BICD2: variants seen among roughly 807,000 people sequenced by gnomAD.
BICD2 encodes protein bicaudal D homolog 2.
A neutral mutation model predicts 72.9 loss-of-function variants in BICD2; 25 were observed. That is an observed-to-expected ratio of 0.34 (90% CI 0.25 to 0.48). The LOEUF (loss-of-function observed/expected upper bound fraction) is 0.48. BICD2 is among the 20% of genes least tolerant of loss of function. The probability of loss-of-function intolerance (pLI) is 0.99; values close to 1 mark genes in which losing one functional copy is unlikely to be tolerated. For synonymous variants in BICD2, 501 were observed against 516.1 expected (o/e 0.97, Z 0.40); for missense variants, 894 against 1,175.2 (o/e 0.76, Z 3.50).
chr9:92,747,428 G>A (rs1854037130), intron 1 of BICD2, among the ~76,000 whole-genome samples: 1 of 152,142 alleles, frequency 6.6e-6, no homozygotes, highest in Non-Finnish European at 1.5e-5. Flanking sequence ...CCTGGGTGAG[G>A]TCCTGACCTG....
intron 1 of BICD2, among the ~76,000 whole-genome samples, chr9:92,743,485 G>T (rs187846661): frequency 6.6e-6 from 1 of 151,214 alleles, no homozygotes; most frequent in East Asian, 2.0e-4. Flanking sequence ...ACAAGATACC[G>T]TGTTCAGCCT....
intron 1 of BICD2, among the ~76,000 whole-genome samples, chr9:92,758,232 ATG>A (rs1362911699): frequency 6.7e-6 from 1 of 148,518 alleles, no homozygotes; most frequent in African/African-American, 2.5e-5. Context: ...TAATAATAAT[ATG>A]AATAAATAAA....
intron 1 of BICD2, among the ~76,000 whole-genome samples, chr9:92,730,022 A>T (rs1316659300): frequency 6.6e-6 from 1 of 152,212 alleles, no homozygotes; most frequent in Non-Finnish European, 1.5e-5. Flanking sequence ...CAGGCCAGCC[A>T]GCCTCCCATC....
At position 92,714,219 on chromosome 9, in the gene BICD2, A is replaced by G; in HGVS notation, c.*935T>C. ...GGATACACCTGTGGGTGTCCAACCC[A>G]GCCAAGCCCTTGGTGGCTCAGACTT... is the stretch of plus-strand genomic sequence containing the variant. On this transcript the variant is annotated 3_prime_UTR_variant, in exon 7 of 7. Transcript: ENST00000356884. The G allele has an allele frequency of 3.0e-6, 3 of 985,502 alleles. No homozygotes were observed. Among genetic ancestry groups the G allele is most frequent in the Non-Finnish European group, 3.6e-6 (3 of 829,974 alleles). The allele number at this position is 985,502 out of a possible 1,614,324, so 61.0% of individuals were successfully genotyped here.
chr9:92,755,800 G>C (rs1445356561), intron 1 of BICD2, among the ~76,000 whole-genome samples: 7 of 152,208 alleles, frequency 4.6e-5, no homozygotes, highest in African/African-American at 1.4e-4. Context: ...AAGCAGATGG[G>C]GAGCCCAGGC....
intron 1 of BICD2, among the ~76,000 whole-genome samples, chr9:92,735,582 G>T (rs1338803119): frequency 6.6e-6 from 1 of 151,680 alleles, no homozygotes; most frequent in African/African-American, 2.4e-5. Flanking sequence ...GGGAGGAAGG[G>T]CAGCTGCAAC....
Position 92,764,398 on chromosome 9 carries a change from T to TG in BICD2, c.240+106dup. On this transcript the variant is annotated intron_variant, in intron 1 of 6. Coordinates refer to ENST00000356884, the MANE Select transcript of BICD2 (RefSeq NM_001003800.2). The surrounding 1 kb of genome is among the most constrained non-coding windows in gnomAD (Gnocchi z 5.5). ...CCCCTCCGCCCCGGCGGCCCACCCC[T>TG]GCCGGCCCCCGCTTGGCAAGCTGAC... is the stretch of plus-strand genomic sequence containing the variant. The TG allele has an allele frequency of 7.4e-7, 1 of 1,343,606 alleles. No individual in the cohort carries two copies. Among genetic ancestry groups the TG allele is most frequent in the Non-Finnish European group, 9.5e-7 (1 of 1,049,428 alleles). The allele number at this position is 1,343,606 out of a possible 1,614,324, so 83.2% of individuals were successfully genotyped here. A position where few individuals can be genotyped will look rare whatever the true frequency, so the allele number is the denominator to read the frequency against.
intron 1 of BICD2, among the ~76,000 whole-genome samples, chr9:92,740,107 T>TA (rs1853870097): frequency 6.6e-6 from 1 of 152,148 alleles, no homozygotes; most frequent in Non-Finnish European, 1.5e-5. Context: ...TACATCAAAG[T>TA]GTCAACCACG....
At chr9:92,732,585 G>A (rs186138232) in intron 1 of BICD2, among the ~76,000 whole-genome samples, 40 of 152,198 alleles carry the variant, frequency 2.6e-4, no homozygotes, top group African/African-American at 8.9e-4. Context: ...AGAAGAAAAA[G>A]GATACATGAC....
Position 92,717,784 on chromosome 9 carries a change from G to A in BICD2, c.2258+13C>T, listed in dbSNP as rs765546977. 1 of 1,601,404 alleles carries A rather than the reference G, an allele frequency of 6.2e-7. No individual in the cohort carries two copies. On this transcript the variant is annotated intron_variant, in intron 6 of 6. Transcript: ENST00000356884. ...CCTTGTGGAAGGGGAGGGCCCGACA[G>A]CAGCACGGTTACCTGGTGGCAAACA...
chr9:92,718,030 C>T (rs972875083), intron 5 of BICD2, 82 bp from the exon 6 acceptor site: 18 of 1,503,820 alleles, frequency 1.2e-5, no homozygotes, highest in East Asian at 9.2e-5. Flanking sequence ...TCGGGAGCCC[C>T]GGTCTGAAGT....
At chr9:92,732,431 T>A (rs925916595) in intron 1 of BICD2, among the ~76,000 whole-genome samples, 5 of 152,034 alleles carry the variant, frequency 3.3e-5, no homozygotes, top group African/African-American at 1.2e-4. Flanking sequence ...TAGCTGAAAA[T>A]TTTCCAAATT....
chr9:92,714,778 T>G lies in BICD2; in HGVS notation c.*376A>C. 1 of 1,031,462 alleles carries G rather than the reference T, an allele frequency of 9.7e-7. No homozygotes were observed. Among genetic ancestry groups the G allele is most frequent in the East Asian group, 8.8e-5 (1 of 11,356 alleles). 63.9% of individuals were successfully genotyped at this position (1,031,462 alleles called of 1,614,324 possible). ...ATGCGAGGAACATGCAAGTCTCAAC[T>G]CAGGTTCTGCCCCTTTTGGGTGCTG... On this transcript the variant is annotated 3_prime_UTR_variant, in exon 7 of 7. Transcript: ENST00000356884.
At chr9:92,743,377 T>TTTTTG (rs1853937354) in intron 1 of BICD2, among the ~76,000 whole-genome samples, 1 of 148,380 alleles carries the variant, frequency 6.7e-6, no homozygotes, top group Non-Finnish European at 1.5e-5. Context: ...TTTTTTTTTT[T>TTTTTG]AAGAGATGGG....
intron 1 of BICD2, among the ~76,000 whole-genome samples, chr9:92,738,458 C>A (rs1442308096): frequency 6.6e-6 from 1 of 152,200 alleles, no homozygotes; most frequent in Non-Finnish European, 1.5e-5. Context: ...GGCTGCCTGG[C>A]TCTGTGGCAA....
At chr9:92,719,710 G>A in intron 4 of BICD2, 128 bp from the exon 5 acceptor site, 1 of 977,554 alleles carries the variant, frequency 1.0e-6, no homozygotes, top group South Asian at 1.7e-5. Context: ...AGGTTCCTTG[G>A]CCATGCTGTC....
At chr9:92,719,722 G>T in intron 4 of BICD2, 140 bp from the exon 5 acceptor site, 1 of 829,480 alleles carries the variant, frequency 1.2e-6, no homozygotes, top group Middle Eastern at 2.3e-4. Flanking sequence ...CATGCTGTCA[G>T]TGAGGTGGAC....
At chr9:92,745,440 CAG>C (rs1288332788) in intron 1 of BICD2, among the ~76,000 whole-genome samples, 11 of 151,736 alleles carry the variant, frequency 7.2e-5, no homozygotes, top group Non-Finnish European at 1.5e-5. Flanking sequence ...AGGGTGGGGA[CAG>C]GGGAGGGGGG....
At chr9:92,732,748 A>C (rs2131513467) in intron 1 of BICD2, among the ~76,000 whole-genome samples, 1 of 152,364 alleles carries the variant, frequency 6.6e-6, no homozygotes, top group South Asian at 2.1e-4. Flanking sequence ...CTTTAGAGAT[A>C]CAAAAGCTGA....
Sources: gnomAD v4.1 joint callset for allele counts (sites outside exome capture counted in the v4.1 genomes callset) on GRCh38, gnomAD v4.1.1 for gene constraint, Gnocchi (gnomAD v3.1) non-coding constraint, MANE v1.5 for transcripts, NCBI Gene and HGNC (gene_info 2026-07-23, HGNC 2026-07-21) for gene names.